Variants in CREBBP observed in about 807,000 individuals in gnomAD.
CREBBP encodes CREB binding lysine acetyltransferase, also known as CREB-binding protein.
Under a neutral mutation model 265.0 loss-of-function variants are expected in CREBBP, and 19 were observed. That is an observed-to-expected ratio of 0.07 (90% CI 0.05 to 0.11). The LOEUF (loss-of-function observed/expected upper bound fraction) is 0.11. Ranked by LOEUF, CREBBP falls within the 10% of genes least tolerant of loss-of-function variation. The pLI, the probability that CREBBP is intolerant of heterozygous loss-of-function variation, is 1.00. For missense variants in CREBBP, 2,525 were observed against 3,219.0 expected, an observed-to-expected ratio of 0.78 and a Z score of 5.22; for synonymous variants, 1,457 against 1,223.7, an observed-to-expected ratio of 1.19 and a Z score of -3.98.
Position 3,725,573 on chromosome 16 carries a change from G to A in CREBBP, c.*2145C>T, listed in dbSNP as rs879147833. 8.6e-6 allele frequency: 2 copies of A among 233,182 alleles called. No homozygotes were observed. Among genetic ancestry groups the A allele is most frequent in the Non-Finnish European group, 1.7e-5 (2 of 118,068 alleles). 14.4% of individuals were successfully genotyped at this position (233,182 alleles called of 1,614,324 possible). A position where few individuals can be genotyped will look rare whatever the true frequency, so the allele number is the denominator to read the frequency against. ...TGGCAGCAATCTCCACCGGAGGCCC[G>A]GCCTGTGCTTCCCCTCCTGGGATGG... On this transcript the variant is annotated 3_prime_UTR_variant, in exon 31 of 31. Coordinates refer to ENST00000262367, the MANE Select transcript of CREBBP (RefSeq NM_004380.3).
intron 2 of CREBBP, among the ~76,000 whole-genome samples, chr16:3,821,421 A>G (rs969890619): frequency 2.6e-5 from 4 of 152,164 alleles, no homozygotes; most frequent in South Asian, 2.1e-4. Flanking sequence ...TTCGTGGAGC[A>G]AGGTCTTCCA....
At position 3,778,185 on chromosome 16, in the gene CREBBP, A is replaced by G. The variant is rs1412925439; in HGVS notation, c.1942-3T>C. ...GCTAATAAGTGATAATATTCATCCT[A>G]AAAAGCAATAATATTCAATATGAAA... On this transcript the variant is annotated splice_polypyrimidine_tract_variant and splice_region_variant and intron_variant, in intron 9 of 30. Coordinates refer to ENST00000262367, the MANE Select transcript of CREBBP (RefSeq NM_004380.3). The G allele has an allele frequency of 6.3e-7, 1 of 1,588,732 alleles. No homozygotes were observed. Among genetic ancestry groups the G allele is most frequent in the East Asian group, 2.2e-5 (1 of 44,796 alleles).
intron 3 of CREBBP, among the ~76,000 whole-genome samples, chr16:3,795,032 G>A (rs1295341646): frequency 6.6e-6 from 1 of 152,154 alleles, no homozygotes; most frequent in Non-Finnish European, 1.5e-5. Flanking sequence ...AAAGTTTATA[G>A]AGTTTTCTGT....
chr16:3,744,906 A>T lies in CREBBP; in HGVS notation c.3970T>A (p.Phe1324Ile), dbSNP rs764074175. ...TCCCGAAACTTACTCTTAGCACTGA[A>T]TTTGTTTTCTTTTCGAGGTCTGCCA... ...KTGRPRKENK[F>I]SAKRLQTTRL... is the part of the protein sequence containing the mutation. Residue 1324 changes from phenylalanine to isoleucine, a missense_variant, in exon 23 of 31, where the codon TTC (phenylalanine) becomes ATC (isoleucine). Phe to Ile is a conservative substitution (Grantham distance 21, BLOSUM62 0). Transcript: ENST00000262367. The T allele has an allele frequency of 2.5e-6, 4 of 1,613,728 alleles. No individual in the cohort carries two copies. In the African/African-American group the frequency reaches 5.3e-5, roughly 22 times the overall value.
At chr16:3,860,091 T>C (rs946982062) in intron 1 of CREBBP, among the ~76,000 whole-genome samples, 3 of 152,096 alleles carry the variant, frequency 2.0e-5, no homozygotes, top group Non-Finnish European at 4.4e-5. Context: ...AGCTGGCGTC[T>C]GCTGCAGCAC....
At chr16:3,784,227 T>A (rs1053334983) in intron 5 of CREBBP, among the ~76,000 whole-genome samples, 4 of 152,090 alleles carry the variant, frequency 2.6e-5, no homozygotes, top group Admixed American at 2.0e-4. Flanking sequence ...ATAAACCCAA[T>A]ACCTACCAGA....
rs1356359932 is a variant in CREBBP at position 3,850,572 on chromosome 16, T to C, written c.523A>G (p.Ile175Val). 6.2e-7 allele frequency: 1 copy of C among 1,614,234 alleles called. No individual in the cohort carries two copies. Among genetic ancestry groups the C allele is most frequent in the Admixed American group, 1.7e-5 (1 of 60,032 alleles). Residue 175 changes from isoleucine to valine, a missense_variant, in exon 2 of 31, where the codon ATC becomes GTC. Ile to Val is a conservative substitution (Grantham distance 29, BLOSUM62 3). Coordinates refer to ENST00000262367, the MANE Select transcript of CREBBP (RefSeq NM_004380.3). ...SPATSQTGPGICMNANFNQTH... is the reference protein window; with the variant it reads ...SPATSQTGPGVCMNANFNQTH... ...TGGTTAAAGTTAGCATTCATGCAGA[T>C]ACCAGGTCCAGTCTGTGACGTGGCA...
chr16:3,875,664 T>C (rs1044436706), intron 1 of CREBBP, among the ~76,000 whole-genome samples: 2 of 152,216 alleles, frequency 1.3e-5, no homozygotes, highest in East Asian at 1.9e-4. Context: ...TGTTTACAGA[T>C]AGAGACTTAG....
chr16:3,859,124 T>C (rs572829386), intron 1 of CREBBP, among the ~76,000 whole-genome samples: 39 of 152,330 alleles, frequency 2.6e-4, no homozygotes, highest in South Asian at 4.1e-4. Context: ...GACTATGTAT[T>C]TGGTCTTCCA....
intron 8 of CREBBP, among the ~76,000 whole-genome samples, chr16:3,779,177 GAA>G (rs1392054732): frequency 1.7e-5 from 2 of 117,508 alleles, no homozygotes. Context: ...AAAAAAAGAA[GAA>G]AAAAAAAAAA....
intron 16 of CREBBP, among the ~76,000 whole-genome samples, chr16:3,764,433 C>G (rs1333372342): frequency 6.6e-6 from 1 of 151,508 alleles, no homozygotes; most frequent in East Asian, 2.0e-4. Context: ...CACCACCACA[C>G]CTGGCTAATT....
intron 3 of CREBBP, among the ~76,000 whole-genome samples, chr16:3,805,199 T>C (rs566960346): frequency 6.6e-6 from 1 of 152,362 alleles, no homozygotes; most frequent in South Asian, 2.1e-4. Context: ...AGTCAATAGA[T>C]GTAAACTCTT....
chr16:3,736,221 A>G lies in CREBBP; in HGVS notation c.4561-18T>C, dbSNP rs1422016772. ...AAAATATCCTGAGTGGGCAAAGCAC[A>G]ACAGTGAGATGAGGGCCATGCACGC... is the stretch of plus-strand genomic sequence containing the variant. On this transcript the variant is annotated intron_variant, in intron 27 of 30. Transcript: ENST00000262367. The G allele has an allele frequency of 1.2e-6, 2 of 1,613,642 alleles. No individual in the cohort carries two copies. Among genetic ancestry groups the G allele is most frequent in the Non-Finnish European group, 8.5e-7 (1 of 1,179,492 alleles).
At chr16:3,829,507 A>G (rs1443817747) in intron 2 of CREBBP, among the ~76,000 whole-genome samples, 2 of 152,242 alleles carry the variant, frequency 1.3e-5, no homozygotes, top group Non-Finnish European at 1.5e-5. Flanking sequence ...AACAGATTCC[A>G]GAGGTGGCAC....
At chr16:3,803,260 CGGGGAGGGGG>C (rs1301022904) in intron 3 of CREBBP, among the ~76,000 whole-genome samples, 168 of 8,452 alleles carry the variant, frequency 0.02, 62 homozygotes, top group East Asian at 0.074. Flanking sequence ...AGGCTGACGG[CGGGGAGGGGG>C]GGGGGGGGGG....
At chr16:3,736,291 C>G in intron 27 of CREBBP, 88 bp from the exon 28 acceptor site, 1 of 1,391,796 alleles carries the variant, frequency 7.2e-7, no homozygotes, top group Non-Finnish European at 1.0e-6. Context: ...AAGCGTGCCC[C>G]TCACCATGGT....
chr16:3,837,509 G>A (rs887613576), intron 2 of CREBBP, among the ~76,000 whole-genome samples: 1 of 151,854 alleles, frequency 6.6e-6, no homozygotes, highest in Non-Finnish European at 1.5e-5. Context: ...CCAGCTACTC[G>A]GGAGGCTGAG....
chr16:3,835,160 A>G (rs890419779), intron 2 of CREBBP, among the ~76,000 whole-genome samples: 5 of 151,526 alleles, frequency 3.3e-5, no homozygotes, highest in African/African-American at 1.2e-4. Context: ...CTCCTTCTCC[A>G]AAACAAAACA....
At chr16:3,737,247 A>C (rs1327536449) in intron 26 of CREBBP, among the ~76,000 whole-genome samples, 1 of 152,170 alleles carries the variant, frequency 6.6e-6, no homozygotes, top group Non-Finnish European at 1.5e-5. Flanking sequence ...TATCCTTTTC[A>C]AGTTTCAGAA....
Sources: allele counts gnomAD v4.1 joint callset (sites outside exome capture counted in the v4.1 genomes callset), GRCh38; gene constraint gnomAD v4.1.1; transcripts MANE v1.5; gene names NCBI Gene and HGNC (gene_info 2026-07-23, HGNC 2026-07-21).